Variants in ANKRD30BL observed in about 807,000 individuals in gnomAD.
The protein encoded by ANKRD30BL is putative ankyrin repeat domain-containing protein 30B-like.
A neutral mutation model predicts 18.4 loss-of-function variants in ANKRD30BL; 20 were observed. That is an observed-to-expected ratio of 1.09 (90% CI 0.77 to 1.58). ANKRD30BL has a LOEUF of 1.58. Among genes scored for constraint, ANKRD30BL ranks in the 40% most tolerant of loss-of-function variants. The pLI is 0.00. For synonymous variants in ANKRD30BL, 72 were observed against 100.9 expected (o/e 0.71, Z 1.72); for missense variants, 224 against 268.6 (o/e 0.83, Z 1.16).
intron 1 of ANKRD30BL, among the ~76,000 whole-genome samples, chr2:132,194,204 C>T (rs1226835218): frequency 6.6e-6 from 1 of 152,130 alleles, no homozygotes; most frequent in African/African-American, 2.4e-5. Flanking sequence ...GTCTCATTAA[C>T]CTTCCTTTTC....
At chr2:132,246,614 C>T (rs1257089880) in intron 1 of ANKRD30BL, among the ~76,000 whole-genome samples, 1 of 151,396 alleles carries the variant, frequency 6.6e-6, no homozygotes, top group Non-Finnish European at 1.5e-5. Flanking sequence ...AGCTTTGAGG[C>T]CTTCACTGGA....
In ANKRD30BL at chr2:132,154,695, T is replaced by C. The variant is rs1687851929; in HGVS notation, c.581A>G (p.Asn194Ser). 2 of 729,530 alleles carry C rather than the reference T, an allele frequency of 2.7e-6. No homozygotes were observed. Among genetic ancestry groups the C allele is most frequent in the East Asian group, 5.2e-5 (2 of 38,558 alleles). The allele number at this position is 729,530 out of a possible 1,614,324, so 45.2% of individuals were successfully genotyped here. A position where few individuals can be genotyped will look rare whatever the true frequency, so the allele number is the denominator to read the frequency against. ...EEIVEFLLTK[N>S]ANANAVDKFK... ...CTTATCAACTGCATTTGCATTTGCA[T>C]TTTTTGTCAGTAAAAATTCCACAAT... The change falls in exon 4 of 6, where the codon AAT becomes AGT. Residue 194 changes from asparagine (N) to serine (S), a missense_variant. Around this residue, in one of 3 missense-constraint regions of ANKRD30BL, gnomAD observed 63 missense variants for 62.3 expected, o/e 1.01. Transcript: ENST00000409867.
intron 1 of ANKRD30BL, among the ~76,000 whole-genome samples, chr2:132,206,074 C>T (rs1679207357): frequency 6.6e-6 from 1 of 152,080 alleles, no homozygotes; most frequent in Non-Finnish European, 1.5e-5. Flanking sequence ...AGGAGAATCA[C>T]TTGAACCCGG....
chr2:132,180,336 A>G (rs963332700), intron 1 of ANKRD30BL, among the ~76,000 whole-genome samples: 1 of 151,926 alleles, frequency 6.6e-6, no homozygotes, highest in Admixed American at 6.6e-5. Flanking sequence ...TTTGTAGCCT[A>G]GGAGCAACAG....
At chr2:132,182,798 T>C (rs1450919589) in intron 1 of ANKRD30BL, among the ~76,000 whole-genome samples, 1 of 152,170 alleles carries the variant, frequency 6.6e-6, no homozygotes, top group East Asian at 1.9e-4. Context: ...TTGCCCATTT[T>C]TGTGAAAAAG....
intron 1 of ANKRD30BL, among the ~76,000 whole-genome samples, chr2:132,252,119 CTG>C (rs1269452089): frequency 6.8e-6 from 1 of 146,244 alleles, no homozygotes; most frequent in Non-Finnish European, 1.5e-5. Context: ...TTTATTAAAA[CTG>C]TATTTTTTTT....
Position 132,161,633 on chromosome 2 carries a change from C to T in ANKRD30BL, c.73G>A (p.Val25Ile). 2.1e-6 allele frequency: 3 copies of T among 1,452,362 alleles called. No individual in the cohort carries two copies. The highest frequency in any genetic ancestry group is 1.2e-5 in the South Asian group (1 of 81,962). The allele number at this position is 1,452,362 out of a possible 1,614,324, so 90.0% of individuals were successfully genotyped here. A position where few individuals can be genotyped will look rare whatever the true frequency, so the allele number is the denominator to read the frequency against. ...ACGTAAGAGTCGTTGTTGGTGTAGACCAGCTGACTGAAGGGGCTCGGGCGC... is the reference window on the plus strand; with the variant it reads ...ACGTAAGAGTCGTTGTTGGTGTAGATCAGCTGACTGAAGGGGCTCGGGCGC... ...PERPSPFSQL[V>I]YTNNDSYVIH... is the part of the protein sequence containing the mutation. The change falls in exon 1 of 6, where the codon GTC (valine) becomes ATC (isoleucine). Residue 25 changes from valine (V) to isoleucine (I), a missense_variant. Val to Ile is a conservative substitution (Grantham distance 29). This residue lies in a region of ANKRD30BL where 131 missense variants were observed against 128.8 expected (regional missense o/e 1.02). Transcript: ENST00000409867.
chr2:132,205,560 T>C (rs1573839624), intron 1 of ANKRD30BL, among the ~76,000 whole-genome samples: 1 of 146,920 alleles, frequency 6.8e-6, no homozygotes, highest in East Asian at 2.0e-4. Flanking sequence ...GAGATCACAC[T>C]GTTGCACTCC....
At chr2:132,247,289 C>T (rs980477985) in intron 1 of ANKRD30BL, among the ~76,000 whole-genome samples, 16 of 151,870 alleles carry the variant, frequency 1.1e-4, no homozygotes, top group African/African-American at 3.6e-4. Flanking sequence ...ATTTGGAGCG[C>T]TTTGAGGCCT....
rs1023155048 is a variant in ANKRD30BL, at chr2:132,206,984, T to C, written n.442-49838A>G. ...TCCTCCCTGCGTCTCTGTTTCCTCT[T>C]CCCTTCTTATGAGGATATCAACCAT... On this transcript the variant is annotated intron_variant and non_coding_transcript_variant, in intron 1 of 4. Transcript: ENST00000470729. 2.9e-4 allele frequency among the ~76,000 whole-genome samples: 44 copies of C among 152,270 alleles called. 1 individual carries two copies. Among genetic ancestry groups the C allele is most frequent in the African/African-American group, 8.9e-4 (37 of 41,558 alleles).
chr2:132,193,065 C>T (rs771203842), intron 1 of ANKRD30BL, among the ~76,000 whole-genome samples: 8 of 152,246 alleles, frequency 5.3e-5, no homozygotes, highest in South Asian at 2.1e-4. Flanking sequence ...TTGTATTGCA[C>T]GTTAACACTC....
intron 1 of ANKRD30BL, among the ~76,000 whole-genome samples, chr2:132,173,748 T>G (rs1688320209): frequency 6.6e-6 from 1 of 152,320 alleles, no homozygotes; most frequent in South Asian, 2.1e-4. Flanking sequence ...CAGAGGTTTA[T>G]TTTGTATTTG....
chr2:132,188,811 A>C (rs1678780083), intron 1 of ANKRD30BL, among the ~76,000 whole-genome samples: 1 of 152,362 alleles, frequency 6.6e-6, no homozygotes, highest in Non-Finnish European at 1.5e-5. Flanking sequence ...TAAGGTTCAC[A>C]TCACTTAAAA....
intron 1 of ANKRD30BL, among the ~76,000 whole-genome samples, chr2:132,204,772 G>A (rs4063221): frequency 0.11 from 16,685 of 151,906 alleles, 3,027 homozygotes; most frequent in African/African-American, 0.38. Flanking sequence ...TATTATCATC[G>A]TTAGATGAGA....
chr2:132,215,149 C>T (rs547170543), intron 1 of ANKRD30BL, among the ~76,000 whole-genome samples: 482 of 150,340 alleles, frequency 3.2e-3, no homozygotes, highest in African/African-American at 0.01. Context: ...ACATTTGGAG[C>T]GCTTTGAGGC....
Position 132,152,716 on chromosome 2 carries a change from A to G in ANKRD30BL, c.615-1740T>C, listed in dbSNP as rs191225996. 5.6e-3 allele frequency: 854 copies of G among 152,318 alleles called. 9 individuals carry two copies. The highest frequency in any genetic ancestry group is 0.019 in the African/African-American group (778 of 41,570). The allele number at this position is 152,318 out of a possible 1,614,324, so 9.4% of individuals were successfully genotyped here. ...AATGGATCTCTAATTTCTTCCTGTA[A>G]CATTATTTCAACCTGACTTACAGTT... is the stretch of plus-strand genomic sequence containing the variant. On this transcript the variant is annotated intron_variant, in intron 4 of 5. Coordinates refer to ENST00000409867, the MANE Select transcript of ANKRD30BL (RefSeq NM_001358416.1).
At chr2:132,164,870 G>A (rs1286970672), upstream of ANKRD30BL, among the ~76,000 whole-genome samples, 3 of 152,080 alleles carry the variant, frequency 2.0e-5, no homozygotes, top group Non-Finnish European at 4.4e-5. Flanking sequence ...AGAAGATGGG[G>A]ACCATCCTGG....
chr2:132,230,242 T>C (rs1442331747), intron 1 of ANKRD30BL, among the ~76,000 whole-genome samples: 2 of 152,128 alleles, frequency 1.3e-5, no homozygotes, highest in African/African-American at 2.4e-5. Context: ...AGCAGTCTTT[T>C]AGTAGAATCT....
chr2:132,226,411 C>T (rs974967768), intron 1 of ANKRD30BL, among the ~76,000 whole-genome samples: 1 of 150,616 alleles, frequency 6.6e-6, no homozygotes, highest in African/African-American at 2.5e-5. Flanking sequence ...GTGCATTCTT[C>T]TCACAGAGTT....
Sources: gnomAD v4.1 joint callset for allele counts (sites outside exome capture counted in the v4.1 genomes callset) on GRCh38, gnomAD v4.1.1 for gene constraint, gnomAD v4.1.1 regional missense constraint, MANE v1.5 for transcripts, NCBI Gene and HGNC (gene_info 2026-07-23, HGNC 2026-07-21) for gene names.